Variants in STIMATE observed in about 807,000 individuals in gnomAD.
STIMATE encodes store-operated calcium entry regulator STIMATE.
Under a neutral mutation model 36.7 loss-of-function variants are expected in STIMATE, and 15 were observed. That is an observed-to-expected ratio of 0.41 (90% CI 0.27 to 0.63). STIMATE has a LOEUF of 0.63. Ranked by LOEUF, STIMATE falls within the 20% of genes least tolerant of loss-of-function variation. The pLI is 0.32. For synonymous variants in STIMATE, 163 were observed against 162.3 expected, an observed-to-expected ratio of 1.00 and a Z score of -0.03; for missense variants, 305 against 397.3, an observed-to-expected ratio of 0.77 and a Z score of 1.98.
intron 7 of STIMATE, 90 bp from the exon 8 acceptor site, chr3:52,840,700 GTTTTT>G (rs71901519): frequency 1.2e-3 from 934 of 795,624 alleles, no homozygotes; most frequent in South Asian, 2.2e-3. Context: ...CAAGTCTCAT[GTTTTT>G]TTTTTTTTTT....
At chr3:52,877,870 C>A (rs912423185) in intron 1 of STIMATE, among the ~76,000 whole-genome samples, 1 of 152,098 alleles carries the variant, frequency 6.6e-6, no homozygotes, top group Non-Finnish European at 1.5e-5. Context: ...CTAAGGCGGG[C>A]AGATCACGAG....
At chr3:52,866,273 C>T (rs938361588) in intron 1 of STIMATE, among the ~76,000 whole-genome samples, 5 of 152,268 alleles carry the variant, frequency 3.3e-5, no homozygotes, top group Non-Finnish European at 5.9e-5. Flanking sequence ...CTCACTCTGA[C>T]AATTTGATCG....
Position 52,897,413 on chromosome 3 carries a change from G to A in STIMATE, c.38C>T (p.Pro13Leu). 2.1e-6 allele frequency: 3 copies of A among 1,462,396 alleles called. No individual in the cohort carries two copies. The highest frequency in any genetic ancestry group is 2.7e-6 in the Non-Finnish European group (3 of 1,114,722). The allele number at this position is 1,462,396 out of a possible 1,614,324, so 90.6% of individuals were successfully genotyped here. A position where few individuals can be genotyped will look rare whatever the true frequency, so the allele number is the denominator to read the frequency against. Reference sequence around the variant, plus strand: ...CGCGACTGTGGAGGGCGGCCCGCCTGGCAGTCCCCGGCTCGCGTTCCCGGC... The same window carrying A: ...CGCGACTGTGGAGGGCGGCCCGCCTAGCAGTCCCCGGCTCGCGTTCCCGGC... ...GPAGNASRGL[P>L]GGPPSTVASG... The change falls in exon 1 of 8, where the codon CCA (proline) becomes CTA (leucine). Residue 13 changes from proline (P) to leucine (L), a missense_variant. Around this residue, in one of 3 missense-constraint regions of STIMATE, gnomAD observed 57 missense variants for 57.1 expected, o/e 1.00. Transcript: ENST00000355083.
chr3:52,847,023 C>T (rs896680285), intron 4 of STIMATE, among the ~76,000 whole-genome samples: 2 of 152,166 alleles, frequency 1.3e-5, no homozygotes, highest in Non-Finnish European at 2.9e-5. Flanking sequence ...CCTGCCTCAG[C>T]CTCCCAAGTA....
chr3:52,867,600 C>A (rs1344741618), intron 1 of STIMATE, among the ~76,000 whole-genome samples: 1 of 152,266 alleles, frequency 6.6e-6, no homozygotes, highest in African/African-American at 2.4e-5. Flanking sequence ...AGGACCACTC[C>A]CTGATGGCCT....
At chr3:52,873,073 C>T (rs566137730) in intron 1 of STIMATE, among the ~76,000 whole-genome samples, 18 of 152,292 alleles carry the variant, frequency 1.2e-4, no homozygotes, top group African/African-American at 3.9e-4. Flanking sequence ...GAGGTTTGGC[C>T]GAAGGCTGAG....
chr3:52,896,389 C>T (rs1701865147), intron 1 of STIMATE, among the ~76,000 whole-genome samples: 1 of 152,148 alleles, frequency 6.6e-6, no homozygotes, highest in African/African-American at 2.4e-5. Flanking sequence ...CAAGGGCACT[C>T]CTAGGCTTAC....
At chr3:52,851,467 C>T (rs1386232847) in intron 3 of STIMATE, among the ~76,000 whole-genome samples, 1 of 152,238 alleles carries the variant, frequency 6.6e-6, no homozygotes, top group Non-Finnish European at 1.5e-5. Context: ...GCACACAGCA[C>T]TCTGATGCCA....
At position 52,852,764 on chromosome 3, in the gene STIMATE, C is replaced by T. The variant is rs138049157; in HGVS notation, c.210-66G>A. ...AGCGCAATATCCAATTTGAGGAAAA[C>T]GAGAAGACTGAAACAGGAAGAAAGC... On this transcript the variant is annotated intron_variant, in intron 2 of 7. Coordinates refer to ENST00000355083, the MANE Select transcript of STIMATE (RefSeq NM_198563.5). The T allele has an allele frequency of 9.7e-4, 1,532 of 1,587,336 alleles. 21 individuals carry two copies. In the East Asian group the frequency reaches 0.027, roughly 28 times the overall value.
At chr3:52,866,593 C>A (rs2106695240) in intron 1 of STIMATE, among the ~76,000 whole-genome samples, 1 of 152,350 alleles carries the variant, frequency 6.6e-6, no homozygotes, top group Middle Eastern at 3.4e-3. Flanking sequence ...CGACTTCACA[C>A]AGCACCCAGG....
intron 7 of STIMATE, among the ~76,000 whole-genome samples, chr3:52,841,435 C>T (rs1444068101): frequency 1.3e-5 from 2 of 152,236 alleles, no homozygotes; most frequent in African/African-American, 4.8e-5. Flanking sequence ...CCTGGAATGA[C>T]TCAGCCATGC....
intron 1 of STIMATE, among the ~76,000 whole-genome samples, chr3:52,867,532 G>C (rs945376698): frequency 2.0e-5 from 3 of 152,188 alleles, no homozygotes; most frequent in African/African-American, 7.2e-5. Context: ...CCAATGACCC[G>C]GAGGCAGAAA....
intron 1 of STIMATE, among the ~76,000 whole-genome samples, chr3:52,875,242 C>T (rs1701481775): frequency 6.6e-6 from 1 of 152,200 alleles, no homozygotes; most frequent in African/African-American, 2.4e-5. Context: ...GATAAGAGGA[C>T]CTTGACTATA....
intron 1 of STIMATE, among the ~76,000 whole-genome samples, chr3:52,858,100 T>C (rs1701140654): frequency 6.6e-6 from 1 of 152,140 alleles, no homozygotes; most frequent in Non-Finnish European, 1.5e-5. Flanking sequence ...ATTGCGGTCT[T>C]CCAGCTTCCA....
chr3:52,842,125 C>T (rs1226824252), intron 7 of STIMATE, among the ~76,000 whole-genome samples: 4 of 152,270 alleles, frequency 2.6e-5, no homozygotes, highest in Non-Finnish European at 4.4e-5. Context: ...ACGTGTCTGA[C>T]AGCCTCTCCG....
At position 52,842,869 on chromosome 3, in the gene STIMATE, C is replaced by T; in HGVS notation, c.710G>A (p.Arg237Lys). 1 of 1,614,274 alleles carries T rather than the reference C, an allele frequency of 6.2e-7. No homozygotes were observed. Among genetic ancestry groups the T allele is most frequent in the Non-Finnish European group, 8.5e-7 (1 of 1,180,050 alleles). ...LEERGANQDS[R>K]NGSKVRYRRA... ...CCGGTAGCGGACCTTGCTCCCATTC[C>T]TCGAGTCCTGGTTGGCTCCCCTTTC... The change falls in exon 7 of 8, where the codon AGG (arginine) becomes AAG (lysine). Residue 237 changes from arginine (R) to lysine (K), a missense_variant. This residue lies in a region of STIMATE where 84 missense variants were observed against 82.4 expected (regional missense o/e 1.02). Transcript: ENST00000355083.
In STIMATE at chr3:52,838,378, G is replaced by T. The variant is rs1036066945; in HGVS notation, c.*2116C>A. ...AATTGTGAGCTCCAGGAAGGTGGAA[G>T]AAACAGCTGCAGGCACAGGTTGTTC... On this transcript the variant is annotated 3_prime_UTR_variant, in exon 8 of 8. Transcript: ENST00000355083. 3.3e-5 allele frequency: 5 copies of T among 152,274 alleles called. No homozygotes were observed. Among genetic ancestry groups the T allele is most frequent in the South Asian group, 2.1e-4 (1 of 4,828 alleles). 9.4% of individuals were successfully genotyped at this position (152,274 alleles called of 1,614,324 possible).
At chr3:52,844,665 T>C (rs139025574) in intron 5 of STIMATE, among the ~76,000 whole-genome samples, 164 bp downstream of exon 5, 193 of 152,328 alleles carry the variant, frequency 1.3e-3, no homozygotes, top group African/African-American at 4.1e-3. Context: ...ATGCTAAGAA[T>C]TGACAAGCTC....
At chr3:52,882,253 G>A (rs970119700) in intron 1 of STIMATE, among the ~76,000 whole-genome samples, 2 of 152,194 alleles carry the variant, frequency 1.3e-5, no homozygotes, top group African/African-American at 4.8e-5. Flanking sequence ...GACCCAGCAG[G>A]GAGGAAGCAA....
Sources: gnomAD v4.1 joint callset for allele counts (sites outside exome capture counted in the v4.1 genomes callset) on GRCh38, gnomAD v4.1.1 for gene constraint, gnomAD v4.1.1 regional missense constraint, MANE v1.5 for transcripts, NCBI Gene and HGNC (gene_info 2026-07-23, HGNC 2026-07-21) for gene names.